The following FAT1 variants were observed in gnomAD, a reference collection of about 807,000 sequenced individuals.
The protein encoded by FAT1 is protocadherin Fat 1.
FAT1 carries 171 observed loss-of-function variants against 329.8 expected under a neutral mutation model. The ratio of observed to expected loss-of-function variants is 0.52; its 90% CI spans 0.46 to 0.59. FAT1 has a LOEUF of 0.59. Ranked by LOEUF, FAT1 falls within the 20% of genes least tolerant of loss-of-function variation. FAT1 has a pLI of 0.00. For missense variants in FAT1, 5,672 were observed against 5,774.4 expected (o/e 0.98, Z 0.57); for synonymous variants, 2,233 against 2,228.6 (o/e 1.00, Z -0.06).
chr4:186,612,489 T>TA lies in FAT1; in HGVS notation c.9463+619dup, dbSNP rs935848561. Among the ~76,000 whole-genome samples the TA allele has an allele frequency of 2.1e-4, 32 of 151,350 alleles. No homozygotes were observed. In the Middle Eastern group the frequency reaches 0.01, roughly 48 times the overall value. On this transcript the variant is annotated intron_variant, in intron 13 of 26. Transcript: ENST00000441802. ...CTTTATGAGTGCAGAACCGATGCTT[T>TA]AAAAAAAAATGCTCATTGGAGCATT...
At chr4:186,724,671 A>G (rs1039837320), upstream of FAT1, among the ~76,000 whole-genome samples, 4 of 152,176 alleles carry the variant, frequency 2.6e-5, no homozygotes, top group Non-Finnish European at 5.9e-5. This position sits in a 1 kb window ranked among gnomAD's most constrained non-coding sequence, Gnocchi z 5.3. Context: ...GCCCAGCCTG[A>G]GCGTCCCGGG....
chr4:186,619,604 T>C lies in FAT1; in HGVS notation c.6982A>G (p.Lys2328Glu), dbSNP rs2126507269. The change falls in exon 10 of 27, where the codon AAG becomes GAG. Residue 2328 changes from lysine (K) to glutamate (E), a missense_variant. By Grantham distance (56) the Lys-to-Glu change is moderately conservative (BLOSUM62 1). This residue lies in a region of FAT1 where 3,966 missense variants were observed against 3,915.2 expected (regional missense o/e 1.01). Transcript: ENST00000441802. Reference sequence around the variant, plus strand: ...TCTACATGAAAATGATCATGACTCTTGCTGTGATTCCCAAACATCTGGTAT... The same window carrying C: ...TCTACATGAAAATGATCATGACTCTCGCTGTGATTCCCAAACATCTGGTAT... ...ISYQMFGNHS[K>E]SHDHFHVDSS... The C allele has an allele frequency of 1.2e-6, 2 of 1,613,976 alleles. No individual in the cohort carries two copies. Among genetic ancestry groups the C allele is most frequent in the East Asian group, 4.5e-5 (2 of 44,880 alleles).
At chr4:186,627,780 C>T (rs377187448) in intron 9 of FAT1, among the ~76,000 whole-genome samples, 37 of 152,244 alleles carry the variant, frequency 2.4e-4, no homozygotes, top group African/African-American at 7.7e-4. Context: ...AAAAGTGAAA[C>T]GTTAAATTAC....
At chr4:186,653,285 T>C (rs1741752237) in intron 3 of FAT1, among the ~76,000 whole-genome samples, 1 of 152,164 alleles carries the variant, frequency 6.6e-6, no homozygotes, top group South Asian at 2.1e-4. Context: ...GAGAAACAAT[T>C]ACTTCCCAAT....
At chr4:186,720,833 G>A (rs1208839177) in intron 1 of FAT1, among the ~76,000 whole-genome samples, 1 of 152,224 alleles carries the variant, frequency 6.6e-6, no homozygotes, top group South Asian at 2.1e-4. Flanking sequence ...TGTGAGGCAG[G>A]ACTGTGTTGG....
At chr4:186,677,877 T>C (rs977191951) in intron 2 of FAT1, among the ~76,000 whole-genome samples, 3 of 152,124 alleles carry the variant, frequency 2.0e-5, no homozygotes, top group African/African-American at 4.8e-5. Context: ...TAAGAATAGA[T>C]TGGCAAGTCT....
Position 186,603,415 on chromosome 4 carries a change from G to A in FAT1, c.11111C>T (p.Ala3704Val), listed in dbSNP as rs773965890. 9 of 1,614,004 alleles carry A rather than the reference G, an allele frequency of 5.6e-6. No individual in the cohort carries two copies. Among genetic ancestry groups the A allele is most frequent in the Non-Finnish European group, 7.6e-6 (9 of 1,179,892 alleles). The change falls in exon 19 of 27, where the codon GCT becomes GTT. Residue 3704 changes from alanine to valine, a missense_variant. Coordinates refer to ENST00000441802, the MANE Select transcript of FAT1 (RefSeq NM_005245.4). ...VLLFVEKPGS[A>V]QISTKQLLHK... ...CAGAAGTTGTTTTGTTGAGATCTGA[G>A]CACTACCTGGTTTCTCTACAAAAAG... is the stretch of plus-strand genomic sequence containing the variant.
rs147405100 is a variant in FAT1, at chr4:186,596,870, C to T, written c.12670G>A (p.Ala4224Thr). The T allele has an allele frequency of 8.6e-5, 138 of 1,613,980 alleles. 1 individual carries two copies. In the East Asian group the frequency reaches 1.8e-3, roughly 21 times the overall value. The change falls in exon 25 of 27, where the codon GCT becomes ACT. Residue 4224 changes from alanine (A) to threonine (T), a missense_variant. Physicochemically the swap from Ala to Thr is moderately conservative, Grantham distance 58. Transcript: ENST00000441802. The surrounding 1 kb of genome is among the most constrained non-coding windows in gnomAD (Gnocchi z 4.7). ...TACGGTCTTTGCAAGAAAGCCGTAG[C>T]GGGTCCCAGGTGCTTGTCTTTAGGT... ...AEPKDKHLGPATAFLQRPYFD... is the reference protein window; with the variant it reads ...AEPKDKHLGPTTAFLQRPYFD...
At chr4:186,705,772 C>A (rs1744557643) in intron 2 of FAT1, among the ~76,000 whole-genome samples, 1 of 152,196 alleles carries the variant, frequency 6.6e-6, no homozygotes, top group Non-Finnish European at 1.5e-5. Context: ...GGACTGCTGC[C>A]TTGGAGGTCC....
chr4:186,605,216 GAA>G (rs34790170), intron 17 of FAT1, among the ~76,000 whole-genome samples: 2,443 of 67,380 alleles, frequency 0.036, 80 homozygotes, highest in African/African-American at 0.14. Context: ...CTCCATCTCA[GAA>G]AAAAAAAAAA....
chr4:186,705,082 C>T (rs1012270483), intron 2 of FAT1, among the ~76,000 whole-genome samples: 4 of 149,612 alleles, frequency 2.7e-5, no homozygotes, highest in Non-Finnish European at 5.9e-5. Flanking sequence ...GTAGCTGGGA[C>T]TACAGGTGTA....
At chr4:186,654,033 GAC>G (rs1741790238) in intron 3 of FAT1, among the ~76,000 whole-genome samples, 2 of 152,168 alleles carry the variant, frequency 1.3e-5, no homozygotes, top group African/African-American at 4.8e-5. Flanking sequence ...GTAGATAAGA[GAC>G]AGAAAAACTG....
At chr4:186,649,080 G>A (rs1406573160) in intron 3 of FAT1, among the ~76,000 whole-genome samples, 1 of 151,778 alleles carries the variant, frequency 6.6e-6, no homozygotes, top group Non-Finnish European at 1.5e-5. Flanking sequence ...TGGTTCTTAA[G>A]TACCATAAGA....
intron 2 of FAT1, among the ~76,000 whole-genome samples, chr4:186,668,157 C>G (rs905264925): frequency 3.3e-5 from 5 of 152,054 alleles, no homozygotes; most frequent in African/African-American, 1.2e-4. Flanking sequence ...TTAAGCGTGC[C>G]AAGTTATTTT....
intron 11 of FAT1, among the ~76,000 whole-genome samples, chr4:186,616,458 G>A (rs1739717328): frequency 1.3e-5 from 2 of 151,946 alleles, no homozygotes; most frequent in Non-Finnish European, 2.9e-5. Flanking sequence ...CTTTCTCTGG[G>A]CAGCCCTTCT....
Position 186,603,498 on chromosome 4 carries a change from G to A in FAT1, c.11028C>T (p.Asn3676=), listed in dbSNP as rs1033987682. ...ACTGCAAACTAACAATCTGTATGTCGTTCCTCCTCACACCCAGGATGTTCC... is the reference window on the plus strand; with the variant it reads ...ACTGCAAACTAACAATCTGTATGTCATTCCTCCTCACACCCAGGATGTTCC... ...ALRNILGVRR[N]DIQIVSLQSS... Residue 3676 remains asparagine (N), a synonymous_variant, in exon 19 of 27, where the codon AAC becomes AAT. Coordinates refer to ENST00000441802, the MANE Select transcript of FAT1 (RefSeq NM_005245.4). 5 of 1,613,886 alleles carry A rather than the reference G, an allele frequency of 3.1e-6. No individual in the cohort carries two copies. The highest frequency in any genetic ancestry group is 1.7e-5 in the Admixed American group (1 of 59,996).
chr4:186,633,458 T>C (rs1035625352), intron 7 of FAT1, among the ~76,000 whole-genome samples: 2 of 152,198 alleles, frequency 1.3e-5, no homozygotes, highest in African/African-American at 4.8e-5. Context: ...GTTTTTGAAG[T>C]CTTCTCTCAA....
chr4:186,654,671 A>G (rs1402785064), intron 3 of FAT1, among the ~76,000 whole-genome samples: 1 of 152,176 alleles, frequency 6.6e-6, no homozygotes, highest in Non-Finnish European at 1.5e-5. Context: ...CCACTTTGGG[A>G]GGCCAAGATG....
chr4:186,647,700 G>T (rs1741444856), intron 3 of FAT1, among the ~76,000 whole-genome samples: 1 of 152,064 alleles, frequency 6.6e-6, no homozygotes, highest in South Asian at 2.1e-4. Context: ...ATTTTCACCC[G>T]ATGATGTCTC....
Sources: allele counts gnomAD v4.1 joint callset (sites outside exome capture counted in the v4.1 genomes callset), GRCh38; gene constraint gnomAD v4.1.1; regional missense constraint gnomAD v4.1.1; non-coding constraint Gnocchi (gnomAD v3.1); transcripts MANE v1.5; gene names NCBI Gene and HGNC (gene_info 2026-07-23, HGNC 2026-07-21).